Variants in CSMD3 observed in about 807,000 individuals in gnomAD.
The protein encoded by CSMD3 is CUB and sushi domain-containing protein 3.
A neutral mutation model predicts 435.2 loss-of-function variants in CSMD3; 177 were observed. The ratio of observed to expected loss-of-function variants is 0.41; its 90% CI spans 0.36 to 0.46. CSMD3 has a LOEUF of 0.46. CSMD3 is among the 20% of genes least tolerant of loss of function. CSMD3 has a pLI of 0.34. For missense variants in CSMD3, 4,265 were observed against 4,504.6 expected (o/e 0.95, Z 1.52); for synonymous variants, 1,656 against 1,520.5 (o/e 1.09, Z -2.07).
chr8:112,332,881 C>A (rs1824199134), intron 45 of CSMD3, among the ~76,000 whole-genome samples: 1 of 152,164 alleles, frequency 6.6e-6, no homozygotes, highest in African/African-American at 2.4e-5. Flanking sequence ...CTCAAAACGT[C>A]TCCTCAGCTT....
rs758003733 is a variant in CSMD3 at position 112,701,451 on chromosome 8, A to AC, written c.1973-11402dup. ...GTAGAAATAGCTCAACTGAGATTCT[A>AC]CTCATGCCCACACTCTTTTCTATTG... On this transcript the variant is annotated intron_variant, in intron 13 of 70. Transcript: ENST00000297405. 1.2e-4 allele frequency among the ~76,000 whole-genome samples: 18 copies of AC among 152,226 alleles called. No individual in the cohort carries two copies. In the East Asian group the frequency reaches 3.3e-3, roughly 28 times the overall value.
At chr8:113,064,063 C>G (rs2088738911) in intron 5 of CSMD3, among the ~76,000 whole-genome samples, 1 of 151,080 alleles carries the variant, frequency 6.6e-6, no homozygotes, top group African/African-American at 2.4e-5. Flanking sequence ...ATTGCTTAAA[C>G]TATACTATTT....
At chr8:112,906,281 G>A (rs1253465107) in intron 10 of CSMD3, among the ~76,000 whole-genome samples, 1 of 151,178 alleles carries the variant, frequency 6.6e-6, no homozygotes, top group East Asian at 2.0e-4. Flanking sequence ...AAGTATTCAT[G>A]GGAGTTCACA....
At chr8:112,741,184 A>G (rs1219491230) in intron 13 of CSMD3, among the ~76,000 whole-genome samples, 1 of 151,930 alleles carries the variant, frequency 6.6e-6, no homozygotes, top group African/African-American at 2.4e-5. Flanking sequence ...ACAACCTACC[A>G]GATAGTAGAA....
At chr8:113,134,519 CACTCATTTATAAGATATGAACTATAG>C (rs113352005) in intron 4 of CSMD3, among the ~76,000 whole-genome samples, 13 of 152,084 alleles carry the variant, frequency 8.5e-5, no homozygotes, top group African/African-American at 3.1e-4. Context: ...AGAACACAGT[CACTCATTTATAAGATATGAACTATAG>C]ATGACAACTG....
intron 6 of CSMD3, among the ~76,000 whole-genome samples, chr8:113,000,848 CCTT>C (rs2085835985): frequency 1.3e-5 from 2 of 151,956 alleles, no homozygotes; most frequent in African/African-American, 4.8e-5. Context: ...AGATAATTTT[CCTT>C]CTTAACACAC....
At chr8:113,309,569 C>T (rs190034856) in intron 2 of CSMD3, 1 of 152,102 alleles carries the variant, frequency 6.6e-6, no homozygotes, top group Non-Finnish European at 1.5e-5. Flanking sequence ...TTTACCTATC[C>T]ATTTGTTTTT....
At chr8:112,270,596 G>A (rs1479582021) in intron 59 of CSMD3, among the ~76,000 whole-genome samples, 1 of 152,044 alleles carries the variant, frequency 6.6e-6, no homozygotes, top group Non-Finnish European at 1.5e-5. Flanking sequence ...CTAGCAAAGT[G>A]CCCAATGATA....
chr8:112,727,584 T>A (rs1587096012), intron 13 of CSMD3, among the ~76,000 whole-genome samples: 1 of 151,854 alleles, frequency 6.6e-6, no homozygotes, highest in Admixed American at 6.6e-5. Flanking sequence ...AATTGGCTTT[T>A]AAAAAATACT....
intron 40 of CSMD3, among the ~76,000 whole-genome samples, chr8:112,350,626 A>G (rs2131050029): frequency 6.6e-6 from 1 of 152,198 alleles, no homozygotes; most frequent in African/African-American, 2.4e-5. Flanking sequence ...AAAAAAAATG[A>G]GGAAGAGAAA....
At chr8:112,673,619 T>C (rs2075706744) in intron 16 of CSMD3, among the ~76,000 whole-genome samples, 1 of 152,114 alleles carries the variant, frequency 6.6e-6, no homozygotes, top group Non-Finnish European at 1.5e-5. Flanking sequence ...TCAAAAGAAC[T>C]CTCTCTAAAA....
At chr8:112,683,264 G>GA (rs1372624700) in intron 15 of CSMD3, among the ~76,000 whole-genome samples, 1 of 151,996 alleles carries the variant, frequency 6.6e-6, no homozygotes, top group Admixed American at 6.6e-5. Context: ...AGCTGATGAG[G>GA]AAAGTATTGC....
intron 59 of CSMD3, among the ~76,000 whole-genome samples, chr8:112,267,865 A>T (rs1173724980): frequency 6.6e-6 from 1 of 152,164 alleles, no homozygotes; most frequent in African/African-American, 2.4e-5. Context: ...TCCAAGAGCA[A>T]CAGTCTTTGT....
intron 30 of CSMD3, among the ~76,000 whole-genome samples, chr8:112,495,398 A>C (rs1259734458): frequency 6.6e-6 from 1 of 152,186 alleles, no homozygotes; most frequent in Non-Finnish European, 1.5e-5. Flanking sequence ...ATATAATGTC[A>C]GTGAAACTGT....
At chr8:112,542,956 GGTGTGGACA>G (rs1448217695) in intron 27 of CSMD3, among the ~76,000 whole-genome samples, 3 of 152,088 alleles carry the variant, frequency 2.0e-5, no homozygotes, top group African/African-American at 7.2e-5. Flanking sequence ...GCAACAAAAA[GGTGTGGACA>G]GTGGTGGAGG....
chr8:112,444,471 G>A (rs1420321665), intron 32 of CSMD3, among the ~76,000 whole-genome samples: 1 of 152,092 alleles, frequency 6.6e-6, no homozygotes, highest in Non-Finnish European at 1.5e-5. Context: ...TCTATCACAA[G>A]GACAATAGAT....
intron 50 of CSMD3, among the ~76,000 whole-genome samples, chr8:112,307,839 G>A (rs1383150669): frequency 1.3e-5 from 2 of 152,086 alleles, no homozygotes; most frequent in South Asian, 4.1e-4. Context: ...ACAGAAAGAT[G>A]AGTTTAGTTT....
intron 13 of CSMD3, among the ~76,000 whole-genome samples, chr8:112,690,422 T>C (rs1231526061): frequency 6.6e-6 from 1 of 151,986 alleles, no homozygotes; most frequent in East Asian, 1.9e-4. Flanking sequence ...CAAAGACTTT[T>C]CTTATTCTTG....
intron 10 of CSMD3, among the ~76,000 whole-genome samples, chr8:112,900,707 C>T (rs1304730808): frequency 2.0e-5 from 3 of 151,168 alleles, no homozygotes; most frequent in African/African-American, 7.3e-5. Flanking sequence ...AGATGGGATG[C>T]TGACAGAGAA....
Sources: allele counts gnomAD v4.1 joint callset (sites outside exome capture counted in the v4.1 genomes callset), GRCh38; gene constraint gnomAD v4.1.1; transcripts MANE v1.5; gene names NCBI Gene and HGNC (gene_info 2026-07-23, HGNC 2026-07-21).